Variants in TG observed in about 807,000 individuals in gnomAD.
TG encodes the protein thyroid hormones.
Under a neutral mutation model 324.7 loss-of-function variants are expected in TG, and 270 were observed. The ratio of observed to expected loss-of-function variants is 0.83; its 90% CI spans 0.75 to 0.92. The LOEUF is 0.92. TG is among the 40% of genes least tolerant of loss of function. The pLI, the probability that TG is intolerant of heterozygous loss-of-function variation, is 0.00. For synonymous variants in TG, 1,401 were observed against 1,327.0 expected, an observed-to-expected ratio of 1.06 and a Z score of -1.21; for missense variants, 3,591 against 3,456.4, an observed-to-expected ratio of 1.04 and a Z score of -0.98.
intron 41 of TG, among the ~76,000 whole-genome samples, chr8:133,071,952 T>C (rs1172556700): frequency 6.6e-6 from 1 of 152,194 alleles, no homozygotes; most frequent in African/African-American, 2.4e-5. Flanking sequence ...TTAGAATGAA[T>C]GACTGAAGGT....
intron 35 of TG, among the ~76,000 whole-genome samples, chr8:133,009,909 T>C (rs751602535): frequency 2.0e-5 from 3 of 152,184 alleles, no homozygotes; most frequent in African/African-American, 4.8e-5. Context: ...TATAGCAGCT[T>C]GAGCAACCAA....
intron 16 of TG, among the ~76,000 whole-genome samples, chr8:132,906,356 A>G (rs1438907217): frequency 1.3e-5 from 2 of 152,026 alleles, no homozygotes; most frequent in African/African-American, 4.8e-5. Flanking sequence ...TCAGGCCTGG[A>G]TGGTGGGCTT....
At position 132,911,365 on chromosome 8, in the gene TG, G is replaced by A; in HGVS notation, c.4003-12G>A. ...CTGTGTTCTTGAGCTGAAAGTGTCT[G>A]TCTTCTTGTAGGTGAAGACTTTTGG... On this transcript the variant is annotated splice_polypyrimidine_tract_variant and intron_variant, in intron 18 of 47. Transcript: ENST00000220616. The A allele has an allele frequency of 6.2e-7, 1 of 1,614,184 alleles. No individual in the cohort carries two copies. Among genetic ancestry groups the A allele is most frequent in the Non-Finnish European group, 8.5e-7 (1 of 1,180,042 alleles).
chr8:133,060,104 C>G (rs755425807), intron 41 of TG: 3 of 1,595,282 alleles, frequency 1.9e-6, no homozygotes, highest in Middle Eastern at 1.7e-4. Context: ...ACTTACCCTC[C>G]GGGTTGGGCA....
intron 20 of TG, among the ~76,000 whole-genome samples, chr8:132,917,408 G>GTGTGTT (rs1563952603): frequency 1.3e-5 from 2 of 151,876 alleles, no homozygotes; most frequent in East Asian, 3.9e-4. Flanking sequence ...GTGTGTGTGT[G>GTGTGTT]TATACCTGTG....
Position 133,134,876 on chromosome 8 carries a change from A to C in TG, c.*82A>C. 1 of 1,071,246 alleles carries C rather than the reference A, an allele frequency of 9.3e-7. No individual in the cohort carries two copies. The highest frequency in any genetic ancestry group is 1.4e-6 in the Non-Finnish European group (1 of 690,806). The allele number at this position is 1,071,246 out of a possible 1,614,324, so 66.4% of individuals were successfully genotyped here. A position where few individuals can be genotyped will look rare whatever the true frequency, so the allele number is the denominator to read the frequency against. ...TTCTCTAAAATAGCCACTTACCTTC[A>C]ATAAAGTATCTACATGCGGTGAAGC... is the stretch of plus-strand genomic sequence containing the variant. On this transcript the variant is annotated 3_prime_UTR_variant, in exon 48 of 48. Coordinates refer to ENST00000220616, the MANE Select transcript of TG (RefSeq NM_003235.5).
At chr8:132,970,603 G>T (rs1366615801) in intron 32 of TG, among the ~76,000 whole-genome samples, 4 of 152,176 alleles carry the variant, frequency 2.6e-5, no homozygotes, top group African/African-American at 9.7e-5. Context: ...TTTTGAAAAT[G>T]GGGGTAAAAA....
chr8:132,886,146 T>C lies in TG; in HGVS notation c.1076-302T>C, dbSNP rs563271764. ...TATTCACCTGAGTACCATTGGCAAG[T>C]GAGGTCAGGTTTTCAGAAAGTGAGC... On this transcript the variant is annotated intron_variant, in intron 8 of 47. Coordinates refer to ENST00000220616, the MANE Select transcript of TG (RefSeq NM_003235.5). 1.3e-4 allele frequency among the ~76,000 whole-genome samples: 20 copies of C among 152,266 alleles called. No homozygotes were observed. In the South Asian group the frequency reaches 1.7e-3, roughly 13 times the overall value.
chr8:133,041,784 G>GTTTTTT (rs529937626), intron 41 of TG, among the ~76,000 whole-genome samples: 1 of 124,420 alleles, frequency 8.0e-6, no homozygotes, highest in African/African-American at 3.2e-5. Flanking sequence ...CTTGTGGTCA[G>GTTTTTT]TTTTTTTTTT....
At chr8:132,948,735 C>G in intron 26 of TG, 41 bp from the exon 27 acceptor site, 1 of 1,608,348 alleles carries the variant, frequency 6.2e-7, no homozygotes, top group Non-Finnish European at 8.5e-7. Context: ...TAAAGGTCCC[C>G]CTCCATCACA....
At chr8:133,133,027 C>T (rs1242819979) in intron 46 of TG, among the ~76,000 whole-genome samples, 1 of 152,218 alleles carries the variant, frequency 6.6e-6, no homozygotes, top group Non-Finnish European at 1.5e-5. Flanking sequence ...GGGAAGGAGC[C>T]TTTATCCCAA....
At chr8:132,923,569 T>A in intron 22 of TG, 61 bp downstream of exon 22, 1 of 1,547,600 alleles carries the variant, frequency 6.5e-7, no homozygotes, top group Non-Finnish European at 8.8e-7. Context: ...TCTCAAGGGC[T>A]TTTTAGAAAG....
At chr8:132,973,766 A>G (rs778413003) in intron 34 of TG, among the ~76,000 whole-genome samples, 13 of 152,214 alleles carry the variant, frequency 8.5e-5, no homozygotes, top group Non-Finnish European at 1.6e-4. Flanking sequence ...ATCCAAAAAG[A>G]TGGAACACCC....
At position 132,869,827 on chromosome 8, in the gene TG, G is replaced by A. The variant is rs763447736; in HGVS notation, c.274+1G>A. 7 of 1,613,604 alleles carry A rather than the reference G, an allele frequency of 4.3e-6. No homozygotes were observed. The highest frequency in any genetic ancestry group is 5.9e-6 in the Non-Finnish European group (7 of 1,179,884). ...AGGCAGCCAGGACGGCCTGTGGCTT[G>A]TAAGTGGGAGTGGGGGACGTCCCTT... On this transcript the variant is annotated splice_donor_variant, in intron 3 of 47. Transcript: ENST00000220616. LOFTEE classifies it high-confidence loss of function.
At chr8:133,030,389 A>T (rs1199258968) in intron 41 of TG, among the ~76,000 whole-genome samples, 2 of 152,198 alleles carry the variant, frequency 1.3e-5, no homozygotes, top group Non-Finnish European at 2.9e-5. Flanking sequence ...AGTGCCGGCT[A>T]CGTGAGGCTG....
chr8:133,069,293 T>A (rs1405748007), intron 41 of TG, among the ~76,000 whole-genome samples: 2 of 152,240 alleles, frequency 1.3e-5, no homozygotes, highest in African/African-American at 2.4e-5. Flanking sequence ...CATAAACTTA[T>A]CAAGCAAGAT....
intron 41 of TG, among the ~76,000 whole-genome samples, chr8:133,067,442 G>C (rs1002735573): frequency 3.9e-5 from 6 of 152,134 alleles, no homozygotes; most frequent in Non-Finnish European, 8.8e-5. Context: ...TCTCAGGCCT[G>C]ACTCCAAGCC....
At chr8:132,934,259 C>G (rs187330733) in intron 24 of TG, among the ~76,000 whole-genome samples, 2 of 151,994 alleles carry the variant, frequency 1.3e-5, no homozygotes, top group Non-Finnish European at 2.9e-5. Context: ...CGCTTGAACC[C>G]GGGAGGTGGA....
At chr8:132,927,819 C>A (rs1822099141) in intron 22 of TG, among the ~76,000 whole-genome samples, 1 of 152,198 alleles carries the variant, frequency 6.6e-6, no homozygotes, top group Non-Finnish European at 1.5e-5. Flanking sequence ...GACTTAGGGA[C>A]ACTGTGATGA....
Sources: allele counts gnomAD v4.1 joint callset (sites outside exome capture counted in the v4.1 genomes callset), GRCh38; gene constraint gnomAD v4.1.1; transcripts MANE v1.5; gene names NCBI Gene and HGNC (gene_info 2026-07-23, HGNC 2026-07-21).